Variants in FREY1 observed in about 807,000 individuals in gnomAD.
FREY1 encodes Frey regulator of sperm-oocyte fusion 1, also known as protein Frey 1.
At chr11:45,907,271 C>A in the FREY1 span, 2 of 1,505,848 alleles carry the variant, frequency 1.3e-6, no homozygotes, top group Non-Finnish European at 1.8e-6. Flanking sequence ...TGGCTCCTGT[C>A]GTCCCTATGC....
At chr11:45,906,720 AG>A in the FREY1 span, 3 of 1,576,192 alleles carry the variant, frequency 1.9e-6, no homozygotes, top group Non-Finnish European at 2.6e-6. Context: ...CATGGGTGGT[AG>A]GGGGCAGCTG....
At chr11:45,906,848 A>T in the FREY1 span, 1 of 1,613,510 alleles carries the variant, frequency 6.2e-7, no homozygotes, top group Admixed American at 1.7e-5. Context: ...GGGTAGGGGA[A>T]GGGGACAAGA....
chr11:45,906,997 T>G, the FREY1 span: 1 of 1,596,832 alleles, frequency 6.3e-7, no homozygotes, highest in Non-Finnish European at 8.6e-7. Context: ...CGCCACCTCC[T>G]TGTGAATGGG....
the FREY1 span, chr11:45,906,857 G>GA: frequency 6.2e-7 from 1 of 1,613,746 alleles, no homozygotes; most frequent in East Asian, 2.2e-5. Context: ...AAGGGGACAA[G>GA]AGAGATACTA....
chr11:45,906,556 T>C, the FREY1 span: 1 of 1,520,778 alleles, frequency 6.6e-7, no homozygotes, highest in Admixed American at 2.2e-5. Context: ...GGTATCTTTA[T>C]GAGGGCCTTG....
chr11:45,906,584 A>G, the FREY1 span: 2 of 1,561,938 alleles, frequency 1.3e-6, no homozygotes, highest in African/African-American at 2.7e-5. Flanking sequence ...GGTGTGCATC[A>G]TAGTAATACT....
At chr11:45,907,216 G>C in the FREY1 span, 1 of 1,555,102 alleles carries the variant, frequency 6.4e-7, no homozygotes. Flanking sequence ...CAGCCCGGGG[G>C]TGCAGAGCCC....
chr11:45,906,866 T>A, the FREY1 span: 23 of 1,613,530 alleles, frequency 1.4e-5, no homozygotes, highest in Non-Finnish European at 1.9e-5. Flanking sequence ...AGAGAGATAC[T>A]ACCATCCACC....
At chr11:45,906,801 T>TG in the FREY1 span, 1 of 1,608,362 alleles carries the variant, frequency 6.2e-7, no homozygotes, top group Non-Finnish European at 8.5e-7. Flanking sequence ...AGGCTGGACT[T>TG]GGGGCACCTC....
the FREY1 span, chr11:45,907,083 G>A: frequency 4.6e-6 from 7 of 1,523,614 alleles, no homozygotes; most frequent in Admixed American, 5.7e-5. Context: ...CTCCAGAGAG[G>A]GGAGGGGCAG....
the FREY1 span, chr11:45,906,534 T>C: frequency 6.7e-7 from 1 of 1,503,416 alleles, no homozygotes; most frequent in South Asian, 1.4e-5. Context: ...AAGCCAAGCC[T>C]TTGTCACACA....
chr11:45,906,896 A>C, the FREY1 span: 1 of 1,613,862 alleles, frequency 6.2e-7, no homozygotes, highest in Non-Finnish European at 8.5e-7. Context: ...AGTGGCTGCG[A>C]GAGTTCCAGG....
the FREY1 span, chr11:45,907,063 GCCAGCC>G: frequency 6.5e-7 from 1 of 1,527,936 alleles, no homozygotes; most frequent in Non-Finnish European, 9.0e-7. Context: ...GGGTACCAGG[GCCAGCC>G]CCACTCCAGA....
the FREY1 span, chr11:45,906,667 G>C: frequency 1.3e-6 from 2 of 1,589,420 alleles, no homozygotes; most frequent in South Asian, 2.3e-5. Context: ...CGCGGCCTTG[G>C]GTGCTTGGGG....
At chr11:45,906,700 G>A in the FREY1 span, 6 of 1,579,618 alleles carry the variant, frequency 3.8e-6, no homozygotes, top group South Asian at 6.9e-5. Flanking sequence ...TCTAAAGAGA[G>A]AAAAGAGGGC....
chr11:45,907,204 C>T, the FREY1 span: 3 of 1,556,248 alleles, frequency 1.9e-6, no homozygotes, highest in Non-Finnish European at 2.6e-6. Flanking sequence ...AGAGGCTGAG[C>T]CCAGCCCGGG....
At chr11:45,907,180 G>A in the FREY1 span, 4 of 1,557,356 alleles carry the variant, frequency 2.6e-6, no homozygotes, top group South Asian at 4.7e-5. Context: ...CCACTGCCAG[G>A]ATGAGGTGGA....
the FREY1 span, chr11:45,907,271 C>G: frequency 6.6e-7 from 1 of 1,505,850 alleles, no homozygotes; most frequent in South Asian, 1.3e-5. Context: ...TGGCTCCTGT[C>G]GTCCCTATGC....
At chr11:45,906,784 C>A in the FREY1 span, 6 of 1,604,500 alleles carry the variant, frequency 3.7e-6, no homozygotes, top group Non-Finnish European at 4.3e-6. Context: ...GGATGACAAG[C>A]CCCTGAAGGC....
Sources: allele counts gnomAD v4.1 joint callset, GRCh38; gene constraint gnomAD v4.1.1; transcripts MANE v1.5; gene names NCBI Gene and HGNC (gene_info 2026-07-23, HGNC 2026-07-21).